The following CRELD2 variants were observed in gnomAD, a reference collection of about 807,000 sequenced individuals.
CRELD2 encodes the protein protein disulfide isomerase CRELD2.
In CRELD2, 33 loss-of-function variants were observed where a neutral mutation model predicts 48.1. The observed-to-expected ratio is 0.69, with a 90% confidence interval of 0.52 to 0.92. The LOEUF is 0.92. Among genes scored for constraint, CRELD2 ranks in the 40% least tolerant of loss-of-function variants. CRELD2 has a pLI of 0.00. For missense variants in CRELD2, 477 were observed against 482.4 expected, an observed-to-expected ratio of 0.99 and a Z score of 0.10; for synonymous variants, 220 against 203.9, an observed-to-expected ratio of 1.08 and a Z score of -0.67.
chr22:49,922,809 GCA>G (rs2060708363), intron 6 of CRELD2, 102 bp downstream of exon 6: 1 of 60,434 alleles, frequency 1.7e-5, no homozygotes, highest in African/African-American at 1.1e-4. Context: ...GGGGCGGGAG[GCA>G]GGGGGGCGTG....
At chr22:49,923,127 T>A in intron 6 of CRELD2, 107 bp from the exon 7 acceptor site, 1 of 868,784 alleles carries the variant, frequency 1.2e-6, no homozygotes, top group African/African-American at 1.7e-5. Flanking sequence ...CTCCCTGCCC[T>A]TCCCCAGCCG....
intron 2 of CRELD2, 81 bp from the exon 3 acceptor site, chr22:49,919,649 C>G: frequency 9.4e-7 from 1 of 1,061,636 alleles, no homozygotes; most frequent in South Asian, 1.5e-5. Flanking sequence ...GGCCCCTGCA[C>G]CCAGGTTGGC....
At chr22:49,922,479 G>A (rs1393122787) in intron 5 of CRELD2, 133 bp from the exon 6 acceptor site, 1 of 1,547,454 alleles carries the variant, frequency 6.5e-7, no homozygotes, top group Non-Finnish European at 8.8e-7. Context: ...GGTTTGCTGA[G>A]AATTTTAAAT....
chr22:49,922,255 A>G (rs770970526), intron 5 of CRELD2: 5 of 1,563,308 alleles, frequency 3.2e-6, no homozygotes, highest in Admixed American at 1.8e-5. Flanking sequence ...CCGTGGATCG[A>G]TAGTCAGGAC....
At position 49,919,737 on chromosome 22, in the gene CRELD2, C is replaced by A. The variant is rs1310286720; in HGVS notation, c.220C>A (p.Arg74Ser). ...TLSKYESSEI[R>S]LLEILEGLCE... ...TGTGGGCCTGTGTTTCAGCGAGATT[C>A]GCCTGCTGGAGATCCTGGAGGGGCT... Residue 74 changes from arginine to serine, a missense_variant, in exon 3 of 10, where the codon CGC becomes AGC. Transcript: ENST00000328268. 5 of 1,607,252 alleles carry A rather than the reference C, an allele frequency of 3.1e-6. No individual in the cohort carries two copies. The highest frequency in any genetic ancestry group is 3.4e-6 in the Non-Finnish European group (4 of 1,177,450).
intron 7 of CRELD2, chr22:49,923,635 C>G (rs1267964438): frequency 4.1e-6 from 2 of 488,804 alleles, no homozygotes; most frequent in Non-Finnish European, 7.5e-6. Flanking sequence ...GTTTTCCACT[C>G]AGCAGCTTGT....
chr22:49,918,985 G>T, intron 1 of CRELD2, 87 bp downstream of exon 1: 1 of 1,171,722 alleles, frequency 8.5e-7, no homozygotes, highest in Non-Finnish European at 1.1e-6. Flanking sequence ...TGGGCCCAGG[G>T]TCGCCCTCAC....
chr22:49,919,298 C>G lies in CRELD2; in HGVS notation c.198C>G (p.Ser66=). ...CGGCTTGGGAGGAAAAGACGCTGTCCAAGTACGAGTCCAGGTGGGTGCCCT... is the reference window on the plus strand; with the variant it reads ...CGGCTTGGGAGGAAAAGACGCTGTCGAAGTACGAGTCCAGGTGGGTGCCCT... ...GNTAWEEKTL[S]KYESSEIRLL... Residue 66 remains serine, a synonymous_variant, in exon 2 of 10, where the codon TCC becomes TCG. Coordinates refer to ENST00000328268, the MANE Select transcript of CRELD2 (RefSeq NM_024324.5). The G allele has an allele frequency of 1.2e-6, 2 of 1,613,586 alleles. No homozygotes were observed. The highest frequency in any genetic ancestry group is 1.3e-5 in the African/African-American group (1 of 75,072).
Position 49,924,442 on chromosome 22 carries a change from C to T in CRELD2, c.855C>T (p.His285=), listed in dbSNP as rs148356973. Residue 285 remains histidine, a synonymous_variant, in exon 8 of 10, where the codon CAC becomes CAT. Coordinates refer to ENST00000328268, the MANE Select transcript of CRELD2 (RefSeq NM_024324.5). Reference sequence around the variant, plus strand: ...GTATCTCTGGCTACGCGAGGGAGCACGGACAGTGTGCAGGTCAGTGACGGG... The same window carrying T: ...GTATCTCTGGCTACGCGAGGGAGCATGGACAGTGTGCAGGTCAGTGACGGG... ...KECISGYARE[H]GQCADVDECS... 405 of 1,607,298 alleles carry T rather than the reference C, an allele frequency of 2.5e-4. 1 individual carries two copies. The East Asian group carries it at 8.0e-3, about 32-fold the overall frequency.
chr22:49,924,817 G>A (rs1195457479), intron 8 of CRELD2: 5 of 185,266 alleles, frequency 2.7e-5, no homozygotes, highest in South Asian at 9.8e-5. Flanking sequence ...GAGCCTGGGC[G>A]TGGATGGAAC....
intron 4 of CRELD2, 145 bp downstream of exon 4, chr22:49,920,392 C>A (rs1303051812): frequency 3.3e-6 from 2 of 610,074 alleles, no homozygotes; most frequent in Non-Finnish European, 5.8e-6. Flanking sequence ...CTGCCTCCCC[C>A]ATCCCCAACA....
intron 4 of CRELD2, among the ~76,000 whole-genome samples, chr22:49,920,507 G>T (rs950366477): frequency 1.1e-4 from 16 of 152,212 alleles, no homozygotes; most frequent in Admixed American, 3.3e-4. Context: ...TAATTCAGGG[G>T]TTCACAGACT....
chr22:49,922,671 G>T lies in CRELD2; in HGVS notation c.652G>T (p.Glu218Ter). ...GACCAACAGAGACTGCGGCGAGTGT[G>T]AAGTGGGCTGGGTGCTGGACGAGGG... ...GLTNRDCGEC[E>*]VGWVLDEGAC... Residue 218 changes from glutamate to a stop codon, truncating the protein, a stop_gained, in exon 6 of 10, where the codon GAA becomes TAA. Transcript: ENST00000328268. LOFTEE classifies it high-confidence loss of function. 6.4e-7 allele frequency: 1 copy of T among 1,566,224 alleles called. No individual in the cohort carries two copies. Among genetic ancestry groups the T allele is most frequent in the Non-Finnish European group, 8.6e-7 (1 of 1,156,410 alleles).
chr22:49,924,637 G>C, intron 8 of CRELD2, 182 bp downstream of exon 8: 1 of 491,466 alleles, frequency 2.0e-6, no homozygotes, highest in Non-Finnish European at 3.7e-6. Flanking sequence ...CAGTGGGGGT[G>C]GGGGACGGGC....
chr22:49,927,405 G>A lies in CRELD2; in HGVS notation c.*98G>A. On this transcript the variant is annotated 3_prime_UTR_variant, in exon 10 of 10. Transcript: ENST00000328268. The stretch of plus-strand genomic sequence containing the variant: ...CTGCAGTGGACAGCGGCGGGGAGAG[G>A]CTGCCTGCTCTCTAACGGTTGATTC... 1 of 936,464 alleles carries A rather than the reference G, an allele frequency of 1.1e-6. No homozygotes were observed. Among genetic ancestry groups the A allele is most frequent in the South Asian group, 1.3e-5 (1 of 76,060 alleles). The allele number at this position is 936,464 out of a possible 1,614,324, so 58.0% of individuals were successfully genotyped here. A position where few individuals can be genotyped will look rare whatever the true frequency, so the allele number is the denominator to read the frequency against.
At position 49,925,568 on chromosome 22, in the gene CRELD2, C is replaced by CGGCTGCCCTCCACACA. The variant is rs766353540; in HGVS notation, c.1009+23_1009+38dup. The CGGCTGCCCTCCACACA allele has an allele frequency of 1.5e-5, 25 of 1,612,914 alleles. No homozygotes were observed. The South Asian group carries it at 2.2e-4, about 14-fold the overall frequency. On this transcript the variant is annotated intron_variant, in intron 9 of 9. Transcript: ENST00000328268. ...CGCCGGCAGAGGCTGGTGAGTGGCA[C>CGGCTGCCCTCCACACA]GGCTGCCCTCCACACAGGCTGCCCT...
intron 4 of CRELD2, 31 bp from the exon 5 acceptor site, chr22:49,921,554 T>TGCTC (rs1228445789): frequency 3.1e-6 from 5 of 1,601,998 alleles, no homozygotes; most frequent in Admixed American, 1.7e-5. Context: ...CCACCAGGTG[T>TGCTC]GCTCTGAGCA....
chr22:49,923,123 G>A, intron 6 of CRELD2, 111 bp from the exon 7 acceptor site: 1 of 808,016 alleles, frequency 1.2e-6, no homozygotes, highest in Non-Finnish European at 1.9e-6. Context: ...CCTCCTCCCT[G>A]CCCTTCCCCA....
At chr22:49,921,342 GTCA>G in intron 4 of CRELD2, 2 of 537,964 alleles carry the variant, frequency 3.7e-6, no homozygotes, top group South Asian at 2.6e-5. Context: ...TGACCTAAAC[GTCA>G]TCATGCAGCA....
Sources: gnomAD v4.1 joint callset for allele counts (sites outside exome capture counted in the v4.1 genomes callset) on GRCh38, gnomAD v4.1.1 for gene constraint, MANE v1.5 for transcripts, NCBI Gene and HGNC (gene_info 2026-07-23, HGNC 2026-07-21) for gene names.